SSH2: variants seen among roughly 807,000 people sequenced by gnomAD.
The protein encoded by SSH2 is slingshot protein phosphatase 2.
A neutral mutation model predicts 135.2 loss-of-function variants in SSH2; 37 were observed. That is an observed-to-expected ratio of 0.27 (90% CI 0.21 to 0.36). SSH2 has a LOEUF of 0.36. Among genes scored for constraint, SSH2 ranks in the 10% least tolerant of loss-of-function variants. The pLI is 1.00. For synonymous variants in SSH2, 628 were observed against 646.2 expected (o/e 0.97, Z 0.43); for missense variants, 1,408 against 1,765.3 (o/e 0.80, Z 3.63).
chr17:29,662,402 A>G (rs1415668288), intron 11 of SSH2, among the ~76,000 whole-genome samples: 1 of 152,194 alleles, frequency 6.6e-6, no homozygotes, highest in Non-Finnish European at 1.5e-5. Flanking sequence ...TCCATATTTT[A>G]TCATATCATT....
chr17:29,645,769 G>A (rs997677231), intron 14 of SSH2: 2 of 152,132 alleles, frequency 1.3e-5, no homozygotes, highest in African/African-American at 2.4e-5. Context: ...AACACAGGAC[G>A]CTTCAGTATC....
At chr17:29,872,988 T>G (rs1487577824) in intron 1 of SSH2, among the ~76,000 whole-genome samples, 2 of 151,684 alleles carry the variant, frequency 1.3e-5, no homozygotes, top group Non-Finnish European at 2.9e-5. Context: ...AGAGTGAAAC[T>G]TGGTCTCAAA....
At chr17:29,761,821 C>T (rs898389214) in intron 3 of SSH2, among the ~76,000 whole-genome samples, 2 of 148,520 alleles carry the variant, frequency 1.3e-5, no homozygotes, top group Non-Finnish European at 3.0e-5. Context: ...TTTGGAAATT[C>T]AGAGATTACA....
At chr17:29,907,527 GA>G (rs927300646) in intron 1 of SSH2, among the ~76,000 whole-genome samples, 1 of 151,872 alleles carries the variant, frequency 6.6e-6, no homozygotes, top group Admixed American at 6.6e-5. Flanking sequence ...AGGAAAAAAA[GA>G]AAAAAAATAC....
chr17:29,743,397 G>A (rs927373317), intron 3 of SSH2, among the ~76,000 whole-genome samples: 6 of 144,636 alleles, frequency 4.1e-5, no homozygotes, highest in African/African-American at 1.5e-4. Flanking sequence ...TCTAATTGAG[G>A]AAGAGGCTAG....
At chr17:29,796,655 T>G (rs1008749982) in intron 2 of SSH2, among the ~76,000 whole-genome samples, 4 of 152,212 alleles carry the variant, frequency 2.6e-5, no homozygotes, top group Admixed American at 2.0e-4. Context: ...TTTTCTATAC[T>G]TTTTAAAAAT....
At chr17:29,813,079 T>C (rs73263662) in intron 2 of SSH2, among the ~76,000 whole-genome samples, 2,242 of 152,010 alleles carry the variant, frequency 0.015, 58 homozygotes, top group African/African-American at 0.05. Context: ...TAGAAAAAGA[T>C]AAACACCAAT....
chr17:29,928,401 G>C, intron 1 of SSH2: 1 of 397,046 alleles, frequency 2.5e-6, no homozygotes, highest in South Asian at 1.4e-4. Context: ...AATAGTCTTA[G>C]AAGTCCCCCA....
chr17:29,775,108 C>G (rs1165671576), intron 3 of SSH2, among the ~76,000 whole-genome samples: 1 of 152,150 alleles, frequency 6.6e-6, no homozygotes, highest in Non-Finnish European at 1.5e-5. Flanking sequence ...ATACAAACTT[C>G]CCTAGTTTCA....
At chr17:29,785,490 C>CTTTTT (rs2041938143) in intron 3 of SSH2, among the ~76,000 whole-genome samples, 1 of 114,858 alleles carries the variant, frequency 8.7e-6, no homozygotes, top group African/African-American at 3.5e-5. Context: ...ATTGGCGTTT[C>CTTTTT]ATTTTTTTTT....
At chr17:29,689,157 C>A (rs1347861888) in intron 5 of SSH2, among the ~76,000 whole-genome samples, 2 of 145,052 alleles carry the variant, frequency 1.4e-5, no homozygotes, top group African/African-American at 2.5e-5. Flanking sequence ...GTGAGACTCT[C>A]AAAAAAAAAA....
Position 29,746,547 on chromosome 17 carries a change from CAAAAAAAAAAAAA to C in SSH2, c.189-43498_189-43486del, listed in dbSNP as rs57217896. 2.2e-3 allele frequency among the ~76,000 whole-genome samples: 152 copies of C among 67,946 alleles called. 1 individual carries two copies. The highest frequency in any genetic ancestry group is 4.6e-3 in the South Asian group (6 of 1,316). 44.6% of individuals were successfully genotyped at this position (67,946 alleles called of 152,430 possible). A position where few individuals can be genotyped will look rare whatever the true frequency, so the allele number is the denominator to read the frequency against. On this transcript the variant is annotated intron_variant, in intron 3 of 15. Transcript: ENST00000540801. ...TGGGCGACAGAGTGAGACTCTGTCT[CAAAAAAAAAAAAA>C]AAAAAAAAAAAAGGAAAAAAGAGAG... is the stretch of plus-strand genomic sequence containing the variant.
intron 9 of SSH2, among the ~76,000 whole-genome samples, chr17:29,669,879 ATC>A (rs1375844229): frequency 6.8e-6 from 1 of 147,170 alleles, no homozygotes; most frequent in Non-Finnish European, 1.5e-5. Context: ...CTCTAATAAA[ATC>A]TTTTTTTTTT....
chr17:29,675,551 T>C (rs980712124), intron 8 of SSH2, among the ~76,000 whole-genome samples: 1 of 151,992 alleles, frequency 6.6e-6, no homozygotes, highest in East Asian at 1.9e-4. Flanking sequence ...CTCAGCACTT[T>C]GGGAGGCCAA....
At chr17:29,662,019 C>A (rs564638485) in intron 11 of SSH2, among the ~76,000 whole-genome samples, 1 of 152,256 alleles carries the variant, frequency 6.6e-6, no homozygotes, top group East Asian at 1.9e-4. Context: ...TTTGCAGACC[C>A]AATTTCCCCC....
chr17:29,780,427 T>C (rs1168102652), intron 3 of SSH2: 3 of 141,410 alleles, frequency 2.1e-5, no homozygotes, highest in African/African-American at 5.4e-5. Context: ...AAGTATGAGA[T>C]TGTTTCAATT....
chr17:29,876,635 C>G (rs1244783642), intron 1 of SSH2, among the ~76,000 whole-genome samples: 1 of 151,692 alleles, frequency 6.6e-6, no homozygotes, highest in Non-Finnish European at 1.5e-5. Context: ...ACAGTCTCTT[C>G]AAAAAGTGTG....
At chr17:29,917,050 T>C (rs899314411) in intron 1 of SSH2, among the ~76,000 whole-genome samples, 2 of 152,022 alleles carry the variant, frequency 1.3e-5, no homozygotes, top group Non-Finnish European at 2.9e-5. Flanking sequence ...TGTCAGGTTT[T>C]TCCCTTTTTC....
chr17:29,917,324 GT>G (rs954745552), intron 1 of SSH2, among the ~76,000 whole-genome samples: 2 of 152,096 alleles, frequency 1.3e-5, no homozygotes, highest in East Asian at 3.8e-4. Context: ...TTCCAATTTA[GT>G]TTTTTCCAAA....
Sources: allele counts gnomAD v4.1 joint callset (sites outside exome capture counted in the v4.1 genomes callset), GRCh38; gene constraint gnomAD v4.1.1; transcripts MANE v1.5; gene names NCBI Gene and HGNC (gene_info 2026-07-23, HGNC 2026-07-21).